Variants in ABCB4 observed in about 807,000 individuals in gnomAD.
ABCB4 encodes the protein ATP binding cassette subfamily B member 4.
In ABCB4, 76 loss-of-function variants were observed where a neutral mutation model predicts 145.7. The ratio of observed to expected loss-of-function variants is 0.52; its 90% CI spans 0.43 to 0.63. The LOEUF is 0.63. ABCB4 is among the 30% of genes least tolerant of loss of function. The probability of loss-of-function intolerance (pLI) is 0.00; values close to 1 mark genes in which losing one functional copy is unlikely to be tolerated. For missense variants in ABCB4, 1,234 were observed against 1,553.1 expected (o/e 0.79, Z 3.45); for synonymous variants, 517 against 566.8 (o/e 0.91, Z 1.25).
intron 9 of ABCB4, 66 bp from the exon 10 acceptor site, chr7:87,445,041 A>T: frequency 9.6e-7 from 1 of 1,043,010 alleles, no homozygotes; most frequent in Non-Finnish European, 1.5e-6. Flanking sequence ...CTAAAATGTG[A>T]TGTATATGTA....
At chr7:87,414,834 G>C (rs893887349) in intron 21 of ABCB4, among the ~76,000 whole-genome samples, 1 of 152,158 alleles carries the variant, frequency 6.6e-6, no homozygotes, top group African/African-American at 2.4e-5. Context: ...CTATGTCCAA[G>C]TATTACCTCA....
At chr7:87,410,865 T>A (rs770069188) in intron 23 of ABCB4, among the ~76,000 whole-genome samples, 3 of 152,230 alleles carry the variant, frequency 2.0e-5, no homozygotes, top group Non-Finnish European at 4.4e-5. Flanking sequence ...TCTTGTCAGA[T>A]TGCTTGTGCA....
rs753655246 is a variant in ABCB4 at position 87,417,397 on chromosome 7, A to G, written c.2597T>C (p.Ile866Thr). 6.2e-7 allele frequency: 1 copy of G among 1,614,178 alleles called. No homozygotes were observed. Among genetic ancestry groups the G allele is most frequent in the Non-Finnish European group, 8.5e-7 (1 of 1,180,024 alleles). Residue 866 changes from isoleucine (I) to threonine (T), a missense_variant, in exon 21 of 28, where the codon ATT becomes ACT. Ile to Thr is a moderately conservative substitution (Grantham distance 89). Transcript: ENST00000649586. ...LTLLLLAVVPIIAVSGIVEMK... is the reference protein window; with the variant it reads ...LTLLLLAVVPTIAVSGIVEMK... ...TTCAACAATTCCTGACACAGCAATA[A>G]TTGGAACAACTGCTAATAGCAATAG...
At chr7:87,447,255 T>C (rs369372343) in intron 8 of ABCB4, 50 bp from the exon 9 acceptor site, 83 of 1,573,054 alleles carry the variant, frequency 5.3e-5, no homozygotes, top group African/African-American at 2.0e-4. Flanking sequence ...TAACAATCCA[T>C]AGTCCGAGTC....
intron 3 of ABCB4, among the ~76,000 whole-genome samples, chr7:87,470,782 A>C (rs575618893): frequency 1.3e-5 from 2 of 152,346 alleles, no homozygotes; most frequent in South Asian, 2.1e-4. Flanking sequence ...ACTGTAAACT[A>C]GTTCAACCAT....
In ABCB4 at chr7:87,475,316, C is replaced by G; in HGVS notation, c.80+70G>C. On this transcript the variant is annotated intron_variant, in intron 2 of 27. Coordinates refer to ENST00000649586, the MANE Select transcript of ABCB4 (RefSeq NM_000443.4). ...AGGCATCAACCGATTTTTACAACTT[C>G]TTTCCAAGGGTGAACTTAGTCCTGC... The G allele has an allele frequency of 2.5e-6, 4 of 1,588,236 alleles. No homozygotes were observed. The South Asian group carries it at 4.4e-5, about 18-fold the overall frequency.
At chr7:87,367,511 T>C in the ABCB4 span, among the ~76,000 whole-genome samples, 1 of 152,212 alleles carries the variant, frequency 6.6e-6, no homozygotes, top group African/African-American at 2.4e-5. Context: ...TCAGTAGTAA[T>C]TTGTTTTTGC....
chr7:87,430,456 C>T (rs773590357), intron 15 of ABCB4, among the ~76,000 whole-genome samples: 3 of 152,078 alleles, frequency 2.0e-5, no homozygotes, highest in Non-Finnish European at 4.4e-5. Flanking sequence ...AATAACATGT[C>T]TTAATAATAT....
At chr7:87,465,953 A>T (rs1476955022) in intron 3 of ABCB4, among the ~76,000 whole-genome samples, 1 of 152,176 alleles carries the variant, frequency 6.6e-6, no homozygotes, top group South Asian at 2.1e-4. Flanking sequence ...TGGGGAAAAA[A>T]CAGAACAGAA....
At chr7:87,451,910 T>G (rs774346198) in intron 6 of ABCB4, 116 bp from the exon 7 acceptor site, 37 of 949,438 alleles carry the variant, frequency 3.9e-5, no homozygotes, top group Non-Finnish European at 5.6e-5. Context: ...CAAGCCTCTT[T>G]CAGAGTCTTA....
At chr7:87,448,253 A>T (rs545363168) in intron 8 of ABCB4, among the ~76,000 whole-genome samples, 91 of 152,270 alleles carry the variant, frequency 6.0e-4, no homozygotes, top group African/African-American at 2.0e-3. Context: ...GGAAAATATC[A>T]CACAAACTAG....
chr7:87,395,977 G>A, the ABCB4 span, among the ~76,000 whole-genome samples: 1 of 152,148 alleles, frequency 6.6e-6, no homozygotes, highest in African/African-American at 2.4e-5. Context: ...TTAAGAAGAA[G>A]TCATGAAAGC....
intron 14 of ABCB4, among the ~76,000 whole-genome samples, chr7:87,433,642 C>T (rs2116626944): frequency 7.0e-6 from 1 of 143,776 alleles, no homozygotes; most frequent in Admixed American, 7.1e-5. Context: ...AGAAGTTGGC[C>T]AAAGTAGAGC....
At position 87,409,236 on chromosome 7, in the gene ABCB4, A is replaced by G. The variant is rs1023568209; in HGVS notation, c.3081T>C (p.Pro1027=). 3 of 1,614,038 alleles carry G rather than the reference A, an allele frequency of 1.9e-6. No homozygotes were observed. Among genetic ancestry groups the G allele is most frequent in the South Asian group, 2.2e-5 (2 of 91,082 alleles). The stretch of plus-strand genomic sequence containing the variant: ...CATCATCAGGCATCAGAGAACTTAC[A>G]GGCTTCAGCCCCTCTTCACTGTAGC... ...IDSYSEEGLK[P]DKFEGNITFN... is the part of the protein sequence containing the mutation. The change falls in exon 24 of 28, where the codon CCT becomes CCC. Residue 1027 remains proline (P), a splice_region_variant and synonymous_variant. Transcript: ENST00000649586.
the ABCB4 span, chr7:87,393,183 T>C: frequency 1.7e-6 from 2 of 1,144,086 alleles, no homozygotes; most frequent in South Asian, 3.2e-5. Context: ...ACTTGCTACA[T>C]AAGTAACTAT....
chr7:87,408,287 TAAG>T (rs974079968), intron 24 of ABCB4, 53 bp from the exon 25 acceptor site: 1 of 1,528,126 alleles, frequency 6.5e-7, no homozygotes, highest in Admixed American at 1.8e-5. Flanking sequence ...ATTATTGGAA[TAAG>T]AAATATTATT....
chr7:87,375,131 A>T, the ABCB4 span: 1 of 153,796 alleles, frequency 6.5e-6, no homozygotes, highest in African/African-American at 2.4e-5. Context: ...GGCACATATG[A>T]AAATAGTTAA....
rs1262922848 is a variant in ABCB4, at chr7:87,408,066, G to A, written c.3250C>T (p.Arg1084Trp). 3.1e-6 allele frequency: 5 copies of A among 1,614,050 alleles called. No homozygotes were observed. The highest frequency in any genetic ancestry group is 4.2e-6 in the Non-Finnish European group (5 of 1,180,022). ...GTCCCCGCCAAGGGGTCGTAGAACC[G>A]CTCCAGGAGCTGGACCACCGTGCTC... ...GKSTVVQLLE[R>W]FYDPLAGTVL... Residue 1084 changes from arginine to tryptophan, a missense_variant, in exon 25 of 28, where the codon CGG (arginine) becomes TGG (tryptophan). Transcript: ENST00000649586.
chr7:87,475,673 C>T lies in ABCB4; in HGVS notation c.-46G>A. 1.7e-6 allele frequency: 1 copy of T among 606,012 alleles called. No homozygotes were observed. The highest frequency in any genetic ancestry group is 2.9e-6 in the Non-Finnish European group (1 of 341,236). The allele number at this position is 606,012 out of a possible 1,614,324, so 37.5% of individuals were successfully genotyped here. ...GTGTCTGGCAGGGCCTCTGGACGCGCGGGCGCTGCAGCAGAGGGGCCTGGA... is the reference window on the plus strand; with the variant it reads ...GTGTCTGGCAGGGCCTCTGGACGCGTGGGCGCTGCAGCAGAGGGGCCTGGA... On this transcript the variant is annotated 5_prime_UTR_variant, in exon 1 of 28. Transcript: ENST00000649586.
Sources: allele counts gnomAD v4.1 joint callset (sites outside exome capture counted in the v4.1 genomes callset), GRCh38; gene constraint gnomAD v4.1.1; transcripts MANE v1.5; gene names NCBI Gene and HGNC (gene_info 2026-07-23, HGNC 2026-07-21).